The following ATP8A2 variants were observed in gnomAD, a reference collection of about 807,000 sequenced individuals.
The protein encoded by ATP8A2 is phospholipid-transporting ATPase IB.
A neutral mutation model predicts 165.6 loss-of-function variants in ATP8A2; 100 were observed. That is an observed-to-expected ratio of 0.60 (90% CI 0.51 to 0.71). The LOEUF (loss-of-function observed/expected upper bound fraction) is 0.71. ATP8A2 is among the 30% of genes least tolerant of loss of function. The pLI is 0.00. For missense variants in ATP8A2, 1,227 were observed against 1,479.5 expected (o/e 0.83, Z 2.80); for synonymous variants, 543 against 548.8 (o/e 0.99, Z 0.15).
At chr13:25,426,562 T>C (rs572443611) in intron 1 of ATP8A2, among the ~76,000 whole-genome samples, 3 of 152,300 alleles carry the variant, frequency 2.0e-5, no homozygotes, top group Admixed American at 2.0e-4. Context: ...GATACCATTA[T>C]GGTGGCTACA....
At chr13:25,687,414 C>T (rs2042625152) in intron 24 of ATP8A2, among the ~76,000 whole-genome samples, 1 of 152,166 alleles carries the variant, frequency 6.6e-6, no homozygotes, top group Non-Finnish European at 1.5e-5. Flanking sequence ...GTGGAAGTGA[C>T]TCTCATCAGG....
At chr13:25,773,878 G>A (rs1324995016) in intron 26 of ATP8A2, among the ~76,000 whole-genome samples, 1 of 151,630 alleles carries the variant, frequency 6.6e-6, no homozygotes, top group Non-Finnish European at 1.5e-5. Flanking sequence ...GTGTATCTAT[G>A]TGTGTACATC....
At chr13:25,570,970 G>A in intron 17 of ATP8A2, 98 bp downstream of exon 17, 2 of 850,136 alleles carry the variant, frequency 2.4e-6, no homozygotes, top group Non-Finnish European at 3.6e-6. Flanking sequence ...CCGTCCCACA[G>A]ACTCGGCTGT....
intron 1 of ATP8A2, among the ~76,000 whole-genome samples, chr13:25,374,553 G>C (rs1042239989): frequency 2.5e-4 from 38 of 152,266 alleles, no homozygotes; most frequent in Non-Finnish European, 3.5e-4. Flanking sequence ...TAGGGAGCAG[G>C]GGGGAAGGCA....
chr13:25,769,741 A>G (rs2044578218), intron 26 of ATP8A2, among the ~76,000 whole-genome samples: 1 of 152,180 alleles, frequency 6.6e-6, no homozygotes, highest in Non-Finnish European at 1.5e-5. Context: ...GGTGCTGTCC[A>G]GGACCACCCC....
chr13:25,977,542 C>T (rs1042620978), intron 35 of ATP8A2, among the ~76,000 whole-genome samples: 10 of 152,174 alleles, frequency 6.6e-5, no homozygotes, highest in African/African-American at 2.2e-4. Flanking sequence ...TGAAACACCT[C>T]ATTAGCATTT....
intron 2 of ATP8A2, among the ~76,000 whole-genome samples, chr13:25,503,942 A>G (rs892479769): frequency 6.6e-6 from 1 of 152,186 alleles, no homozygotes; most frequent in Non-Finnish European, 1.5e-5. Flanking sequence ...TAGGATTTGG[A>G]GATTGTCCTT....
intron 25 of ATP8A2, among the ~76,000 whole-genome samples, chr13:25,726,083 G>A (rs76819899): frequency 6.6e-6 from 1 of 152,104 alleles, no homozygotes; most frequent in African/African-American, 2.4e-5. Flanking sequence ...TTTTGGACCC[G>A]TTTGTTTCGA....
In ATP8A2 at chr13:25,554,935, G is replaced by A. The variant is rs1384707800; in HGVS notation, c.1186-56G>A. 12 of 1,078,920 alleles carry A rather than the reference G, an allele frequency of 1.1e-5. No individual in the cohort carries two copies. In the Admixed American group the frequency reaches 2.3e-4, roughly 21 times the overall value. The allele number at this position is 1,078,920 out of a possible 1,614,324, so 66.8% of individuals were successfully genotyped here. A position where few individuals can be genotyped will look rare whatever the true frequency, so the allele number is the denominator to read the frequency against. On this transcript the variant is annotated intron_variant, in intron 12 of 36. Coordinates refer to ENST00000381655, the MANE Select transcript of ATP8A2 (RefSeq NM_016529.6). ...GCTTCTTTTCTGTGTTAATCTGAAT[G>A]AAGAATTAATGGTATATATTTTCTG...
chr13:25,408,837 T>G (rs1266524350), intron 1 of ATP8A2, among the ~76,000 whole-genome samples: 3 of 152,248 alleles, frequency 2.0e-5, no homozygotes, highest in African/African-American at 7.2e-5. Flanking sequence ...TGATTGTAGA[T>G]GCAGAACAAT....
In ATP8A2 at chr13:25,613,537, G is replaced by T. The variant is rs541989039; in HGVS notation, c.2211+23838G>T. ...TGCCATGAGCCAAGATTGTGCCACT[G>T]CACTCCAGCCTGGAGACAGAGCAAG... is the stretch of plus-strand genomic sequence containing the variant. On this transcript the variant is annotated intron_variant, in intron 24 of 36. Transcript: ENST00000381655. 1.2e-3 allele frequency among the ~76,000 whole-genome samples: 178 copies of T among 152,230 alleles called. 1 individual carries two copies. Among genetic ancestry groups the T allele is most frequent in the African/African-American group, 4.1e-3 (170 of 41,518 alleles).
chr13:25,873,932 C>G (rs542323270), intron 33 of ATP8A2: 1 of 152,846 alleles, frequency 6.5e-6, no homozygotes, highest in Admixed American at 6.5e-5. Flanking sequence ...CAGCCTTTAC[C>G]CCATAAGTAT....
intron 33 of ATP8A2, among the ~76,000 whole-genome samples, chr13:25,955,671 A>G (rs1361428332): frequency 6.6e-6 from 1 of 152,212 alleles, no homozygotes; most frequent in Non-Finnish European, 1.5e-5. Flanking sequence ...GACCAGACGG[A>G]TTCACAGCTG....
At chr13:25,461,047 A>G (rs1253159356) in intron 1 of ATP8A2, among the ~76,000 whole-genome samples, 1 of 152,200 alleles carries the variant, frequency 6.6e-6, no homozygotes, top group African/African-American at 2.4e-5. Flanking sequence ...AATATTTTAA[A>G]TCATAAAGAA....
intron 24 of ATP8A2, among the ~76,000 whole-genome samples, chr13:25,597,009 TA>T (rs1453295109): frequency 6.6e-6 from 1 of 152,182 alleles, no homozygotes; most frequent in African/African-American, 2.4e-5. Flanking sequence ...CCCTGATGAC[TA>T]ATCATGTTGA....
chr13:25,468,067 T>A (rs958683851), intron 1 of ATP8A2, among the ~76,000 whole-genome samples: 8 of 151,908 alleles, frequency 5.3e-5, no homozygotes, highest in Admixed American at 2.6e-4. Context: ...TGCCTTGGAG[T>A]TGGAGATGAG....
At chr13:25,490,241 C>T (rs970000113) in intron 2 of ATP8A2, among the ~76,000 whole-genome samples, 4 of 152,236 alleles carry the variant, frequency 2.6e-5, no homozygotes, top group African/African-American at 7.2e-5. Flanking sequence ...AGAGAAACTC[C>T]GAGCAGCCTC....
intron 26 of ATP8A2, among the ~76,000 whole-genome samples, chr13:25,770,995 G>A (rs1238307105): frequency 6.6e-6 from 1 of 152,182 alleles, no homozygotes; most frequent in Non-Finnish European, 1.5e-5. Context: ...TCTCCAAAGC[G>A]GGGGCTCTGT....
intron 24 of ATP8A2, among the ~76,000 whole-genome samples, chr13:25,662,881 G>T (rs1187252609): frequency 4.6e-5 from 7 of 152,206 alleles, no homozygotes; most frequent in Non-Finnish European, 2.9e-5. Flanking sequence ...CATGTGTTAT[G>T]TCATTTCCAA....
Sources: gnomAD v4.1 joint callset for allele counts (sites outside exome capture counted in the v4.1 genomes callset) on GRCh38, gnomAD v4.1.1 for gene constraint, MANE v1.5 for transcripts, NCBI Gene and HGNC (gene_info 2026-07-23, HGNC 2026-07-21) for gene names.